The following PPP1R9A variants were observed in gnomAD, a reference collection of about 807,000 sequenced individuals.
PPP1R9A encodes neurabin-1.
A neutral mutation model predicts 141.9 loss-of-function variants in PPP1R9A; 59 were observed. The ratio of observed to expected loss-of-function variants is 0.42; its 90% CI spans 0.34 to 0.52. The LOEUF (loss-of-function observed/expected upper bound fraction) is 0.52, where lower values mean the gene tolerates loss of function less well. PPP1R9A is among the 20% of genes least tolerant of loss of function. The probability of loss-of-function intolerance (pLI) is 0.10; values close to 1 mark genes in which losing one functional copy is unlikely to be tolerated. For synonymous variants in PPP1R9A, 500 were observed against 569.7 expected, an observed-to-expected ratio of 0.88 and a Z score of 1.74; for missense variants, 1,444 against 1,611.9, an observed-to-expected ratio of 0.90 and a Z score of 1.78.
intron 8 of PPP1R9A, among the ~76,000 whole-genome samples, chr7:95,245,281 G>C (rs1018456105): frequency 3.3e-5 from 5 of 152,114 alleles, no homozygotes; most frequent in African/African-American, 1.2e-4. Context: ...GGGAGAAAAA[G>C]TCATTTTTAC....
chr7:95,180,715 A>G (rs1172890823), intron 5 of PPP1R9A, among the ~76,000 whole-genome samples: 1 of 152,138 alleles, frequency 6.6e-6, no homozygotes, highest in Non-Finnish European at 1.5e-5. Flanking sequence ...GGCTAAGGAC[A>G]TACACAGTTC....
intron 2 of PPP1R9A, among the ~76,000 whole-genome samples, chr7:95,020,991 G>T (rs1013749677): frequency 1.3e-5 from 2 of 152,178 alleles, no homozygotes; most frequent in South Asian, 4.1e-4. Flanking sequence ...TATATACCCA[G>T]TAATGGGATT....
intron 7 of PPP1R9A, among the ~76,000 whole-genome samples, chr7:95,218,447 G>A (rs1179980244): frequency 1.3e-5 from 2 of 152,192 alleles, no homozygotes; most frequent in Non-Finnish European, 2.9e-5. Flanking sequence ...ATATTCTGTT[G>A]ATTTGGGGTG....
intron 8 of PPP1R9A, among the ~76,000 whole-genome samples, chr7:95,242,807 C>A (rs1311124531): frequency 6.6e-6 from 1 of 152,084 alleles, no homozygotes; most frequent in East Asian, 1.9e-4. Context: ...TTTATGCCCT[C>A]CTAATCCCAA....
chr7:94,920,387 C>T (rs1467956897), intron 2 of PPP1R9A, among the ~76,000 whole-genome samples: 1 of 151,138 alleles, frequency 6.6e-6, no homozygotes, highest in East Asian at 1.9e-4. Flanking sequence ...TTTTACAGTT[C>T]CCGGTTTTCA....
At position 95,050,823 on chromosome 7, in the gene PPP1R9A, A is replaced by G. The variant is rs537944939; in HGVS notation, c.1396-60436A>G. On this transcript the variant is annotated intron_variant, in intron 2 of 19. Transcript: ENST00000433360. ...AGGCATTTTAATTTTATAAGTAGGT[A>G]AGGATATAGACATTTTTAAGCATTT... Among the ~76,000 whole-genome samples the G allele has an allele frequency of 2.3e-4, 35 of 152,364 alleles. 2 individuals are homozygous for G. The highest frequency in any genetic ancestry group is 6.5e-4 in the Admixed American group (10 of 15,306).
At chr7:95,270,783 G>A (rs889378383) in intron 14 of PPP1R9A, among the ~76,000 whole-genome samples, 8 of 152,098 alleles carry the variant, frequency 5.3e-5, no homozygotes, top group African/African-American at 1.7e-4. Flanking sequence ...AATTTTTTGT[G>A]TGGTTAATAA....
chr7:95,217,636 C>G (rs748675886), intron 7 of PPP1R9A, among the ~76,000 whole-genome samples: 24 of 152,098 alleles, frequency 1.6e-4, no homozygotes, highest in Non-Finnish European at 2.8e-4. Context: ...TAATTATTGC[C>G]TCAATTTCAG....
At chr7:94,942,220 A>G (rs1409232641) in intron 2 of PPP1R9A, among the ~76,000 whole-genome samples, 1 of 152,032 alleles carries the variant, frequency 6.6e-6, no homozygotes, top group African/African-American at 2.4e-5. Flanking sequence ...ACTAAAGTCA[A>G]TTTTGCTAGG....
At chr7:95,198,278 C>T (rs1171432949) in intron 5 of PPP1R9A, 71 bp from the exon 6 acceptor site, 1 of 1,430,768 alleles carries the variant, frequency 7.0e-7, no homozygotes, top group Non-Finnish European at 9.4e-7. Flanking sequence ...GAGATCAAAC[C>T]TGTTTACTTT....
chr7:95,236,835 A>C (rs1796745120), intron 8 of PPP1R9A, among the ~76,000 whole-genome samples: 1 of 151,594 alleles, frequency 6.6e-6, no homozygotes, highest in African/African-American at 2.4e-5. Context: ...ATATTGCTTT[A>C]ACTACATGTC....
chr7:95,055,034 AGGAGGGAGAGAAATCTATGTATT>A (rs1439665104), intron 2 of PPP1R9A, among the ~76,000 whole-genome samples: 1 of 152,204 alleles, frequency 6.6e-6, no homozygotes, highest in Non-Finnish European at 1.5e-5. Context: ...ACCTTGGTAT[AGGAGGGAGAGAAATCTATGTATT>A]GGATTAAGCA....
intron 2 of PPP1R9A, among the ~76,000 whole-genome samples, chr7:95,015,817 A>T (rs2151665308): frequency 6.6e-6 from 1 of 152,224 alleles, no homozygotes. Flanking sequence ...TGGGAGGCTA[A>T]GGTGGGAGGA....
At chr7:94,949,169 G>A (rs1796196035) in intron 2 of PPP1R9A, among the ~76,000 whole-genome samples, 1 of 152,116 alleles carries the variant, frequency 6.6e-6, no homozygotes, top group Non-Finnish European at 1.5e-5. Context: ...GCAGGTTTGT[G>A]GGATTTTGCC....
At chr7:94,986,069 G>T (rs1296376057) in intron 2 of PPP1R9A, among the ~76,000 whole-genome samples, 1 of 152,100 alleles carries the variant, frequency 6.6e-6, no homozygotes, top group African/African-American at 2.4e-5. Context: ...AGAAAATTTT[G>T]ATGGTTGGGG....
intron 4 of PPP1R9A, 149 bp from the exon 5 acceptor site, chr7:95,161,718 C>G (rs1830487983): frequency 3.8e-6 from 2 of 528,740 alleles, no homozygotes; most frequent in South Asian, 3.2e-5. Context: ...TAACAGGAAG[C>G]AGAACTGACT....
chr7:94,963,721 T>G (rs1382227685), intron 2 of PPP1R9A, among the ~76,000 whole-genome samples: 1 of 152,218 alleles, frequency 6.6e-6, no homozygotes, highest in Non-Finnish European at 1.5e-5. Context: ...TTTTGATTTT[T>G]TGAAGTTTTG....
At chr7:95,169,603 A>G (rs530400564) in intron 5 of PPP1R9A, among the ~76,000 whole-genome samples, 1 of 152,084 alleles carries the variant, frequency 6.6e-6, no homozygotes, top group Admixed American at 6.6e-5. Flanking sequence ...TGATTTGGTC[A>G]TTATACAGTA....
intron 2 of PPP1R9A, among the ~76,000 whole-genome samples, chr7:94,963,340 T>C (rs1184507462): frequency 6.6e-6 from 1 of 152,118 alleles, no homozygotes; most frequent in East Asian, 1.9e-4. Flanking sequence ...TAAAGTATAG[T>C]TTCTATTTTT....
Sources: allele counts gnomAD v4.1 joint callset (sites outside exome capture counted in the v4.1 genomes callset), GRCh38; gene constraint gnomAD v4.1.1; transcripts MANE v1.5; gene names NCBI Gene and HGNC (gene_info 2026-07-23, HGNC 2026-07-21).